FCRL3: variants seen among roughly 807,000 people sequenced by gnomAD.
FCRL3 encodes Fc receptor like 3.
In FCRL3, 89 loss-of-function variants were observed where a neutral mutation model predicts 75.0. That is an observed-to-expected ratio of 1.19 (90% CI 1.00 to 1.42). The LOEUF (loss-of-function observed/expected upper bound fraction) is 1.42. FCRL3 is among the 40% of genes most tolerant of loss of function. The probability of loss-of-function intolerance (pLI) is 0.00; values close to 1 mark genes in which losing one functional copy is unlikely to be tolerated. For synonymous variants in FCRL3, 376 were observed against 348.5 expected, an observed-to-expected ratio of 1.08 and a Z score of -0.88; for missense variants, 946 against 880.0, an observed-to-expected ratio of 1.07 and a Z score of -0.95.
chr1:157,697,728 T>G lies in FCRL3; in HGVS notation c.490A>C (p.Thr164Pro). The G allele has an allele frequency of 6.2e-7, 1 of 1,613,932 alleles. No homozygotes were observed. The highest frequency in any genetic ancestry group is 8.5e-7 in the Non-Finnish European group (1 of 1,179,812). The change falls in exon 5 of 15, where the codon ACT becomes CCT. Residue 164 changes from threonine (T) to proline (P), a missense_variant. Physicochemically the swap from Thr to Pro is conservative, Grantham distance 38. Coordinates refer to ENST00000368184, the MANE Select transcript of FCRL3 (RefSeq NM_052939.4). The stretch of plus-strand genomic sequence containing the variant: ...AGTATGTAAAACTTCCTATAAGCAG[T>G]ACAATGATATTTGCTATTATCCCTG... ...VSRDNSKYHC[T>P]AYRKFYILDI...
intron 10 of FCRL3, among the ~76,000 whole-genome samples, chr1:157,686,213 A>G (rs931347285): frequency 2.6e-5 from 4 of 152,138 alleles, no homozygotes; most frequent in African/African-American, 9.7e-5. Flanking sequence ...AGAAAATGAA[A>G]TACCTAGGAA....
chr1:157,676,749 T>C lies in FCRL3; in HGVS notation c.*1961A>G. 6.4e-7 allele frequency: 1 copy of C among 1,550,456 alleles called. No individual in the cohort carries two copies. The highest frequency in any genetic ancestry group is 8.7e-7 in the Non-Finnish European group (1 of 1,146,916). Reference sequence around the variant, plus strand: ...AAGACATGGAAAATCTTGAACTTTGTTCTTTCTTGGGTTCAGAATCTAGAA... The same window carrying C: ...AAGACATGGAAAATCTTGAACTTTGCTCTTTCTTGGGTTCAGAATCTAGAA... On this transcript the variant is annotated 3_prime_UTR_variant, in exon 15 of 15. Transcript: ENST00000368184.
intron 8 of FCRL3, among the ~76,000 whole-genome samples, chr1:157,691,072 A>G (rs143013694): frequency 1.8e-4 from 28 of 152,112 alleles, no homozygotes; most frequent in Admixed American, 5.9e-4. Flanking sequence ...TGATTCCCCA[A>G]TAGGATGGAG....
At position 157,698,661 on chromosome 1, in the gene FCRL3, G is replaced by A. The variant is rs752724713; in HGVS notation, c.53-32C>T. The A allele has an allele frequency of 9.9e-6, 16 of 1,611,738 alleles. No individual in the cohort carries two copies. In the South Asian group the frequency reaches 1.3e-4, roughly 13 times the overall value. On this transcript the variant is annotated intron_variant, in intron 3 of 14. Transcript: ENST00000368184. Reference sequence around the variant, plus strand: ...AGGAAATAGAAAGATGAAGGCAGGGGAAGGTCAATGGGAGGTGGGCACAGC... The same window carrying A: ...AGGAAATAGAAAGATGAAGGCAGGGAAAGGTCAATGGGAGGTGGGCACAGC...
At position 157,698,598 on chromosome 1, in the gene FCRL3, A is replaced by G; in HGVS notation, c.84T>C (p.Asn28=). Reference sequence around the variant, plus strand: ...CTTTGAAGGCTGTGGACCATGGAGGATTGAGGAGAAGTACAGCTTTTGGGG... The same window carrying G: ...CTTTGAAGGCTGTGGACCATGGAGGGTTGAGGAGAAGTACAGCTTTTGGGG... ...GVAPKAVLLL[N]PPWSTAFKGE... The change falls in exon 4 of 15, where the codon AAT becomes AAC. Residue 28 remains asparagine, a synonymous_variant. Transcript: ENST00000368184. The G allele has an allele frequency of 6.2e-7, 1 of 1,614,008 alleles. No homozygotes were observed. The highest frequency in any genetic ancestry group is 1.1e-5 in the South Asian group (1 of 91,084).
Position 157,677,700 on chromosome 1 carries a change from T to C in FCRL3, c.*1010A>G, listed in dbSNP as rs1034895943. The C allele has an allele frequency of 2.7e-6, 2 of 748,258 alleles. No individual in the cohort carries two copies. Among genetic ancestry groups the C allele is most frequent in the Non-Finnish European group, 3.3e-6 (2 of 614,222 alleles). The allele number at this position is 748,258 out of a possible 1,614,324, so 46.4% of individuals were successfully genotyped here. A position where few individuals can be genotyped will look rare whatever the true frequency, so the allele number is the denominator to read the frequency against. The stretch of plus-strand genomic sequence containing the variant: ...CAACACGCAACAATATGGATGAATC[T>C]TAGAAATACAACATGAAGAGAAAGT... On this transcript the variant is annotated 3_prime_UTR_variant, in exon 15 of 15. Transcript: ENST00000368184.
rs1276752148 is a variant in FCRL3 at position 157,678,341 on chromosome 1, C to G, written c.*369G>C. 2.9e-6 allele frequency: 3 copies of G among 1,047,052 alleles called. No individual in the cohort carries two copies. Among genetic ancestry groups the G allele is most frequent in the Middle Eastern group, 4.6e-4 (1 of 2,194 alleles). The allele number at this position is 1,047,052 out of a possible 1,614,324, so 64.9% of individuals were successfully genotyped here. The stretch of plus-strand genomic sequence containing the variant: ...AAATATTTGGAGCAAATTGTTTATA[C>G]AGAGAGCACATTAACAGCTTTCGAT... On this transcript the variant is annotated 3_prime_UTR_variant, in exon 15 of 15. Coordinates refer to ENST00000368184, the MANE Select transcript of FCRL3 (RefSeq NM_052939.4).
At position 157,689,793 on chromosome 1, in the gene FCRL3, C is replaced by G. The variant is rs762324871; in HGVS notation, c.1810+5G>C. Reference sequence around the variant, plus strand: ...CACATCACAAGGTAGGACCTAGACACCCACCTGGTTTCCTTCGGGCCCTGG... The same window carrying G: ...CACATCACAAGGTAGGACCTAGACAGCCACCTGGTTTCCTTCGGGCCCTGG... On this transcript the variant is annotated splice_donor_5th_base_variant and intron_variant, in intron 10 of 14. Coordinates refer to ENST00000368184, the MANE Select transcript of FCRL3 (RefSeq NM_052939.4). 12 of 1,614,010 alleles carry G rather than the reference C, an allele frequency of 7.4e-6. No homozygotes were observed. The African/African-American group carries it at 1.5e-4, about 20-fold the overall frequency.
intron 8 of FCRL3, among the ~76,000 whole-genome samples, chr1:157,691,215 C>T (rs1168155672): frequency 6.6e-6 from 1 of 152,120 alleles, no homozygotes; most frequent in African/African-American, 2.4e-5. Context: ...CCAGATATAG[C>T]TCTAGCAACA....
chr1:157,700,869 A>T, upstream of FCRL3: 1 of 512,936 alleles, frequency 1.9e-6, no homozygotes, highest in Non-Finnish European at 2.7e-6. Flanking sequence ...CCTTGTCTTC[A>T]CACAGCCTTT....
chr1:157,682,668 C>T (rs1654923961), intron 11 of FCRL3, among the ~76,000 whole-genome samples: 1 of 152,214 alleles, frequency 6.6e-6, no homozygotes, highest in Non-Finnish European at 1.5e-5. Context: ...AACACTGATA[C>T]ACAAAGACCT....
At chr1:157,683,425 G>A (rs1654974109) in intron 10 of FCRL3, among the ~76,000 whole-genome samples, 181 bp from the exon 11 acceptor site, 1 of 152,082 alleles carries the variant, frequency 6.6e-6, no homozygotes. Context: ...AGGAAGGTGG[G>A]GTCTTGAAAG....
chr1:157,678,386 C>T lies in FCRL3; in HGVS notation c.*324G>A. 1 of 1,164,330 alleles carries T rather than the reference C, an allele frequency of 8.6e-7. No individual in the cohort carries two copies. The highest frequency in any genetic ancestry group is 1.1e-6 in the Non-Finnish European group (1 of 938,594). 72.1% of individuals were successfully genotyped at this position (1,164,330 alleles called of 1,614,324 possible). On this transcript the variant is annotated 3_prime_UTR_variant, in exon 15 of 15. Coordinates refer to ENST00000368184, the MANE Select transcript of FCRL3 (RefSeq NM_052939.4). ...TTCGATCACACTTGGATCAAATGGT[C>T]ATGATTGTGCCCTTGTAACCCTGGC...
chr1:157,685,467 A>G (rs552954589), intron 10 of FCRL3, among the ~76,000 whole-genome samples: 2 of 152,276 alleles, frequency 1.3e-5, no homozygotes, highest in Admixed American at 6.5e-5. Context: ...AAACCTGGAC[A>G]GTCACACAAT....
intron 8 of FCRL3, among the ~76,000 whole-genome samples, chr1:157,694,892 CTT>C (rs1655785262): frequency 6.6e-6 from 1 of 152,098 alleles, no homozygotes; most frequent in South Asian, 2.1e-4. Flanking sequence ...AAGAGAGACA[CTT>C]TAATGATCCA....
At position 157,696,570 on chromosome 1, in the gene FCRL3, T is replaced by C. The variant is rs1249558221; in HGVS notation, c.845-243A>G. ...TCCATAATCTCCATAAATCCAATGT[T>C]TTCTGGTCACATTTTATATGCATTT... is the stretch of plus-strand genomic sequence containing the variant. On this transcript the variant is annotated intron_variant, in intron 6 of 14. Transcript: ENST00000368184. The C allele has an allele frequency of 1.7e-5, 9 of 520,406 alleles. No homozygotes were observed. In the Admixed American group the frequency reaches 2.9e-4, roughly 17 times the overall value. 32.2% of individuals were successfully genotyped at this position (520,406 alleles called of 1,614,324 possible).
chr1:157,699,448 TTGCTC>T (rs1656168147), intron 3 of FCRL3, among the ~76,000 whole-genome samples: 1 of 152,068 alleles, frequency 6.6e-6, no homozygotes, highest in Non-Finnish European at 1.5e-5. Context: ...CCTCTGTCCT[TTGCTC>T]TGCAAGTGTT....
At chr1:157,685,511 G>T (rs986165626) in intron 10 of FCRL3, among the ~76,000 whole-genome samples, 1 of 152,102 alleles carries the variant, frequency 6.6e-6, no homozygotes, top group African/African-American at 2.4e-5. Context: ...CACTGACAGA[G>T]TTAGACAGAT....
intron 10 of FCRL3, among the ~76,000 whole-genome samples, chr1:157,687,578 A>T (rs12077917): frequency 0.28 from 40,985 of 148,066 alleles, 6,222 homozygotes; most frequent in African/African-American, 0.41. Flanking sequence ...AATGTGGTAC[A>T]TATACACCAT....
Sources: allele counts gnomAD v4.1 joint callset (sites outside exome capture counted in the v4.1 genomes callset), GRCh38; gene constraint gnomAD v4.1.1; transcripts MANE v1.5; gene names NCBI Gene and HGNC (gene_info 2026-07-23, HGNC 2026-07-21).